CENPP: variants seen among roughly 807,000 people sequenced by gnomAD.
The protein encoded by CENPP is centromere protein P.
In CENPP, 24 loss-of-function variants were observed where a neutral mutation model predicts 35.6. That is an observed-to-expected ratio of 0.67 (90% CI 0.49 to 0.95). The LOEUF (loss-of-function observed/expected upper bound fraction) is 0.95. CENPP is among the 40% of genes least tolerant of loss of function. CENPP has a pLI of 0.00. For synonymous variants in CENPP, 120 were observed against 125.5 expected (o/e 0.96, Z 0.29); for missense variants, 332 against 345.3 (o/e 0.96, Z 0.31).
At chr9:92,492,154 A>G (rs1437431059) in intron 5 of CENPP, among the ~76,000 whole-genome samples, 1 of 152,180 alleles carries the variant, frequency 6.6e-6, no homozygotes, top group East Asian at 1.9e-4. Flanking sequence ...TAGAGAAACC[A>G]TTTTTGCCTG....
intron 5 of CENPP, among the ~76,000 whole-genome samples, chr9:92,420,701 A>C (rs552469916): frequency 2.0e-5 from 3 of 151,602 alleles, no homozygotes; most frequent in African/African-American, 7.3e-5. Context: ...ATTTTCTTAT[A>C]TGTATCCCTA....
intron 5 of CENPP, among the ~76,000 whole-genome samples, chr9:92,484,181 C>CAA (rs144740230): frequency 6.7e-6 from 1 of 149,594 alleles, no homozygotes; most frequent in East Asian, 2.0e-4. Flanking sequence ...TGTATGTTAC[C>CAA]AAAAAAAAAC....
chr9:92,474,710 C>T (rs1376844651), intron 5 of CENPP: 2 of 1,613,720 alleles, frequency 1.2e-6, no homozygotes, highest in Non-Finnish European at 1.7e-6. Context: ...AAAATGGCTT[C>T]TTGGCTCTCT....
intron 5 of CENPP, among the ~76,000 whole-genome samples, chr9:92,526,280 A>G (rs1278722094): frequency 6.6e-6 from 1 of 152,234 alleles, no homozygotes; most frequent in East Asian, 1.9e-4. Context: ...AGCTTACAAA[A>G]TTACGCTATA....
chr9:92,502,535 G>A, intron 5 of CENPP: 4 of 1,612,788 alleles, frequency 2.5e-6, no homozygotes, highest in Non-Finnish European at 2.5e-6. Flanking sequence ...CAGGCTAAAG[G>A]AGCAATCCTA....
chr9:92,386,397 A>C (rs1288787666), intron 5 of CENPP: 4 of 710,978 alleles, frequency 5.6e-6, no homozygotes, highest in Non-Finnish European at 1.0e-5. Flanking sequence ...CTATATATAC[A>C]GACTTGCATA....
At chr9:92,453,629 C>T (rs1448771862) in intron 5 of CENPP, among the ~76,000 whole-genome samples, 5 of 151,900 alleles carry the variant, frequency 3.3e-5, no homozygotes, top group Admixed American at 3.3e-4. Flanking sequence ...TAGACTCCCA[C>T]ACAATAATAA....
chr9:92,478,617 T>C (rs1478133201), intron 5 of CENPP, among the ~76,000 whole-genome samples: 2 of 152,106 alleles, frequency 1.3e-5, no homozygotes, highest in African/African-American at 4.8e-5. Flanking sequence ...CATGCCTGGC[T>C]AATTTTTTAT....
chr9:92,588,093 T>C (rs946465319), intron 5 of CENPP, among the ~76,000 whole-genome samples: 3 of 151,940 alleles, frequency 2.0e-5, no homozygotes, highest in African/African-American at 4.8e-5. Context: ...TGAGCCAAGA[T>C]TGTGCCACTG....
At chr9:92,388,218 G>A (rs1842514647) in intron 5 of CENPP, among the ~76,000 whole-genome samples, 1 of 151,362 alleles carries the variant, frequency 6.6e-6, no homozygotes, top group South Asian at 2.1e-4. Context: ...GAGTGCAGTG[G>A]TACAATCTCA....
intron 5 of CENPP, among the ~76,000 whole-genome samples, chr9:92,536,329 T>G (rs1849160976): frequency 6.6e-6 from 1 of 152,138 alleles, no homozygotes; most frequent in South Asian, 2.1e-4. Flanking sequence ...ATGTTAAAGT[T>G]TATACTAGCC....
chr9:92,496,427 T>A (rs1846347524), intron 5 of CENPP: 1 of 1,609,460 alleles, frequency 6.2e-7, no homozygotes, highest in Admixed American at 1.7e-5. Flanking sequence ...ATGAAGATGT[T>A]CCAGATTTGA....
chr9:92,536,313 T>C (rs1369978703), intron 5 of CENPP, among the ~76,000 whole-genome samples: 1 of 152,200 alleles, frequency 6.6e-6, no homozygotes, highest in Non-Finnish European at 1.5e-5. Context: ...ACTATTCGCA[T>C]TAAAAATGTT....
intron 5 of CENPP, among the ~76,000 whole-genome samples, chr9:92,431,124 T>C (rs1162681811): frequency 6.6e-6 from 1 of 152,158 alleles, no homozygotes. Context: ...TAAAAAATTT[T>C]TTTGCATTTG....
At chr9:92,326,530 G>A (rs977757306) in intron 1 of CENPP, among the ~76,000 whole-genome samples, 12 of 152,058 alleles carry the variant, frequency 7.9e-5, no homozygotes, top group African/African-American at 2.9e-4. Context: ...AAATAACTTC[G>A]GTAAAAAACT....
intron 2 of CENPP, among the ~76,000 whole-genome samples, chr9:92,335,346 C>T (rs1157257377): frequency 1.3e-5 from 2 of 152,116 alleles, no homozygotes; most frequent in African/African-American, 4.8e-5. Context: ...TAGTAAGTCT[C>T]TCTCTGTCTG....
At chr9:92,486,042 C>T (rs1846049999) in intron 5 of CENPP, among the ~76,000 whole-genome samples, 1 of 152,092 alleles carries the variant, frequency 6.6e-6, no homozygotes, top group Non-Finnish European at 1.5e-5. Flanking sequence ...AAAGGCCGTC[C>T]ACCAATCCAT....
intron 5 of CENPP, among the ~76,000 whole-genome samples, chr9:92,439,808 G>T (rs1396302657): frequency 6.6e-6 from 1 of 151,994 alleles, no homozygotes; most frequent in Non-Finnish European, 1.5e-5. Flanking sequence ...GTACCATTTG[G>T]GTGAAAGGAA....
chr9:92,483,463 C>A (rs530977854), intron 5 of CENPP, among the ~76,000 whole-genome samples: 1 of 152,122 alleles, frequency 6.6e-6, no homozygotes, highest in Admixed American at 6.5e-5. Context: ...CTCCTGACCT[C>A]GTGATCTGCC....
Sources: gnomAD v4.1 joint callset for allele counts (sites outside exome capture counted in the v4.1 genomes callset) on GRCh38, gnomAD v4.1.1 for gene constraint, MANE v1.5 for transcripts, NCBI Gene and HGNC (gene_info 2026-07-23, HGNC 2026-07-21) for gene names.